CRPPA: variants seen among roughly 807,000 people sequenced by gnomAD.
CRPPA encodes D-ribitol-5-phosphate cytidylyltransferase.
CRPPA carries 43 observed loss-of-function variants against 52.0 expected under a neutral mutation model. That is an observed-to-expected ratio of 0.83 (90% CI 0.65 to 1.07). The LOEUF (loss-of-function observed/expected upper bound fraction) is 1.07, where lower values mean the gene tolerates loss of function less well. Among genes scored for constraint, CRPPA ranks in the 50% least tolerant of loss-of-function variants. The pLI is 0.00. For missense variants in CRPPA, 629 were observed against 551.7 expected, an observed-to-expected ratio of 1.14 and a Z score of -1.40; for synonymous variants, 250 against 203.5, an observed-to-expected ratio of 1.23 and a Z score of -1.94.
At chr7:16,103,369 G>C (rs749371603) in intron 9 of CRPPA, among the ~76,000 whole-genome samples, 1 of 151,910 alleles carries the variant, frequency 6.6e-6, no homozygotes, top group South Asian at 2.1e-4. Context: ...CGGGTTGATG[G>C]GTGCAGCAAA....
chr7:16,380,330 G>C (rs1477340612), intron 2 of CRPPA, among the ~76,000 whole-genome samples: 1 of 151,820 alleles, frequency 6.6e-6, no homozygotes, highest in Non-Finnish European at 1.5e-5. Flanking sequence ...TTGCATCCCA[G>C]GGATGAAGCC....
intron 5 of CRPPA, among the ~76,000 whole-genome samples, chr7:16,293,577 G>T (rs1413627046): frequency 6.6e-6 from 1 of 151,960 alleles, no homozygotes; most frequent in South Asian, 2.1e-4. Context: ...AAGGCAGGCA[G>T]TAAATAAAGG....
At chr7:16,259,088 T>G in intron 6 of CRPPA, 76 bp from the exon 7 acceptor site, 1 of 1,015,608 alleles carries the variant, frequency 9.8e-7, no homozygotes, top group Non-Finnish European at 1.5e-6. Context: ...AAGGAACACA[T>G]AATTGCTAGA....
intron 9 of CRPPA, among the ~76,000 whole-genome samples, chr7:16,123,736 G>A (rs1390495800): frequency 6.6e-6 from 1 of 152,076 alleles, no homozygotes; most frequent in Non-Finnish European, 1.5e-5. Flanking sequence ...CTAAATTCGT[G>A]ATTGTTTAAC....
intron 3 of CRPPA, among the ~76,000 whole-genome samples, chr7:16,319,641 T>C (rs1398462089): frequency 6.6e-6 from 1 of 152,058 alleles, no homozygotes; most frequent in Non-Finnish European, 1.5e-5. Context: ...TCTTCTAGTC[T>C]CCAGTCTGGA....
At chr7:16,249,143 G>A (rs915055081) in intron 8 of CRPPA, among the ~76,000 whole-genome samples, 3 of 152,118 alleles carry the variant, frequency 2.0e-5, no homozygotes, top group African/African-American at 7.2e-5. Context: ...AGAGCTCAGT[G>A]AGGCTGACCG....
intron 9 of CRPPA, among the ~76,000 whole-genome samples, chr7:16,122,774 G>A (rs185707286): frequency 6.6e-6 from 1 of 152,142 alleles, no homozygotes; most frequent in Admixed American, 6.5e-5. Flanking sequence ...AGGAAGAAAG[G>A]GTGGGAGAAG....
At chr7:16,215,505 G>T (rs1286235762) in intron 9 of CRPPA, among the ~76,000 whole-genome samples, 1 of 152,180 alleles carries the variant, frequency 6.6e-6, no homozygotes, top group Non-Finnish European at 1.5e-5. Context: ...CAGTGACAAT[G>T]AATGCATTTC....
At chr7:16,320,192 T>G (rs1478286570) in intron 3 of CRPPA, among the ~76,000 whole-genome samples, 1 of 152,162 alleles carries the variant, frequency 6.6e-6, no homozygotes, top group East Asian at 1.9e-4. Context: ...CTGCTCAGTT[T>G]GCTATCTCTA....
chr7:16,319,031 C>T (rs752205433), intron 3 of CRPPA, among the ~76,000 whole-genome samples: 3 of 152,168 alleles, frequency 2.0e-5, no homozygotes, highest in Non-Finnish European at 2.9e-5. Context: ...TACCCTAACA[C>T]TTCCCATTCC....
intron 9 of CRPPA, among the ~76,000 whole-genome samples, chr7:16,191,556 C>T (rs1008895182): frequency 1.3e-5 from 2 of 152,020 alleles, no homozygotes; most frequent in South Asian, 2.1e-4. Context: ...GTTGTAGCTC[C>T]GAAGGATAGC....
At chr7:16,279,293 C>T (rs930477334) in intron 5 of CRPPA, among the ~76,000 whole-genome samples, 5 of 151,992 alleles carry the variant, frequency 3.3e-5, no homozygotes, top group African/African-American at 9.7e-5. Context: ...GAAAATAATA[C>T]CACCAGTTAA....
intron 5 of CRPPA, among the ~76,000 whole-genome samples, chr7:16,286,115 T>TATATATATATATAA: frequency 8.3e-6 from 1 of 120,828 alleles, no homozygotes; most frequent in African/African-American, 3.3e-5. Context: ...TATATATATA[T>TATATATATATATAA]ATGCCAAAAA....
At chr7:16,352,145 C>G (rs906403348) in intron 3 of CRPPA, among the ~76,000 whole-genome samples, 1 of 151,974 alleles carries the variant, frequency 6.6e-6, no homozygotes. Flanking sequence ...CCATCATTCT[C>G]AGCAAACTGA....
intron 2 of CRPPA, among the ~76,000 whole-genome samples, chr7:16,396,682 A>G (rs1223738621): frequency 6.6e-6 from 1 of 152,252 alleles, no homozygotes; most frequent in Non-Finnish European, 1.5e-5. Flanking sequence ...CCAAATGCCC[A>G]CCAGTCAATG....
chr7:16,388,897 A>G (rs767580894), intron 2 of CRPPA, among the ~76,000 whole-genome samples: 111 of 152,168 alleles, frequency 7.3e-4, no homozygotes, highest in Non-Finnish European at 1.2e-3. Flanking sequence ...AACAGTTCAC[A>G]ACCTTTGACG....
chr7:16,165,871 A>T (rs1453225449), intron 9 of CRPPA, among the ~76,000 whole-genome samples: 1 of 152,144 alleles, frequency 6.6e-6, no homozygotes, highest in Admixed American at 6.5e-5. Context: ...ACACTTCATA[A>T]CCCTTTTCAA....
intron 6 of CRPPA, chr7:16,270,525 T>C (rs529011344): frequency 6.6e-6 from 1 of 152,282 alleles, no homozygotes; most frequent in East Asian, 1.9e-4. Flanking sequence ...AGGTGGTCTA[T>C]CATTTTGGAG....
Position 16,184,003 on chromosome 7 carries a change from G to A in CRPPA, c.1251+32063C>T, listed in dbSNP as rs149104743. Among the ~76,000 whole-genome samples the A allele has an allele frequency of 1.4e-4, 22 of 152,134 alleles. No homozygotes were observed. The East Asian group carries it at 2.3e-3, about 16-fold the overall frequency. On this transcript the variant is annotated intron_variant, in intron 9 of 9. Transcript: ENST00000407010. ...GTCATCCAGGCTGGACTGTAGTGGC[G>A]TGAACTCGTCTCACTGCAAGCTCCG...
Sources: gnomAD v4.1 joint callset for allele counts (sites outside exome capture counted in the v4.1 genomes callset) on GRCh38, gnomAD v4.1.1 for gene constraint, MANE v1.5 for transcripts, NCBI Gene and HGNC (gene_info 2026-07-23, HGNC 2026-07-21) for gene names.